The following PLPPR1 variants were observed in gnomAD, a reference collection of about 807,000 sequenced individuals.
PLPPR1 encodes phospholipid phosphatase related 1, also known as phospholipid phosphatase-related protein type 1.
Under a neutral mutation model 33.1 loss-of-function variants are expected in PLPPR1, and 10 were observed. That is an observed-to-expected ratio of 0.30 (90% CI 0.19 to 0.51). The LOEUF is 0.51. Ranked by LOEUF, PLPPR1 falls within the 20% of genes least tolerant of loss-of-function variation. PLPPR1 has a pLI of 0.97. For missense variants in PLPPR1, 304 were observed against 408.1 expected (o/e 0.74, Z 2.20); for synonymous variants, 151 against 151.0 (o/e 1.00, Z 0.00).
chr9:101,195,045 G>T (rs903613231), intron 2 of PLPPR1, among the ~76,000 whole-genome samples: 1 of 152,166 alleles, frequency 6.6e-6, no homozygotes, highest in East Asian at 1.9e-4. Context: ...AGTCCCATGT[G>T]TGTTGGTTTG....
intron 2 of PLPPR1, among the ~76,000 whole-genome samples, chr9:101,190,953 G>A (rs1324071842): frequency 2.0e-5 from 3 of 152,142 alleles, no homozygotes; most frequent in African/African-American, 7.2e-5. Context: ...ATCCTTGAAT[G>A]ACAGACATTC....
chr9:101,133,570 A>C (rs1034922817), intron 1 of PLPPR1, among the ~76,000 whole-genome samples: 3 of 152,226 alleles, frequency 2.0e-5, no homozygotes, highest in Admixed American at 1.3e-4. Context: ...GGCTAGTTTT[A>C]GGCGATCATG....
chr9:101,230,158 A>G (rs1015592962), intron 2 of PLPPR1, among the ~76,000 whole-genome samples: 3 of 152,118 alleles, frequency 2.0e-5, no homozygotes, highest in South Asian at 2.1e-4. Flanking sequence ...ATCATATCTC[A>G]TTTCAAACCA....
intron 1 of PLPPR1, among the ~76,000 whole-genome samples, chr9:101,184,684 AAACTAAC>A (rs1181668836): frequency 6.6e-6 from 1 of 151,940 alleles, no homozygotes; most frequent in African/African-American, 2.4e-5. Flanking sequence ...AGAAGAATCA[AAACTAAC>A]TAATCTCCTA....
chr9:101,092,733 G>A (rs748193883), intron 1 of PLPPR1, among the ~76,000 whole-genome samples: 37 of 152,016 alleles, frequency 2.4e-4, no homozygotes, highest in African/African-American at 7.7e-4. Context: ...ATCTTATTAC[G>A]GACTAATTGT....
chr9:101,036,741 G>C (rs1830016193), intron 1 of PLPPR1, among the ~76,000 whole-genome samples: 1 of 148,500 alleles, frequency 6.7e-6, no homozygotes, highest in Non-Finnish European at 1.5e-5. Flanking sequence ...GAAGAAGAAA[G>C]GAAAGAAGCA....
At chr9:101,077,551 A>G (rs1830554295) in intron 1 of PLPPR1, among the ~76,000 whole-genome samples, 1 of 152,134 alleles carries the variant, frequency 6.6e-6, no homozygotes, top group Admixed American at 6.5e-5. Flanking sequence ...CTTCTCTGAG[A>G]TAGAGATTAG....
At chr9:101,154,699 C>G (rs942567555) in intron 1 of PLPPR1, among the ~76,000 whole-genome samples, 2 of 151,982 alleles carry the variant, frequency 1.3e-5, no homozygotes, top group Non-Finnish European at 2.9e-5. Flanking sequence ...ATAGCAAAGA[C>G]TTGGAACCAA....
At chr9:101,193,366 AG>A (rs1209422089) in intron 2 of PLPPR1, among the ~76,000 whole-genome samples, 5 of 152,150 alleles carry the variant, frequency 3.3e-5, no homozygotes, top group Non-Finnish European at 7.3e-5. Flanking sequence ...GAGATAATAA[AG>A]ACCCAATCTG....
At chr9:101,158,907 G>A (rs1281053347) in intron 1 of PLPPR1, among the ~76,000 whole-genome samples, 1 of 152,184 alleles carries the variant, frequency 6.6e-6, no homozygotes, top group African/African-American at 2.4e-5. Flanking sequence ...AAGTTTGGAG[G>A]ACTGGCTTCA....
At chr9:101,085,037 G>A (rs1156826532) in intron 1 of PLPPR1, among the ~76,000 whole-genome samples, 1 of 152,114 alleles carries the variant, frequency 6.6e-6, no homozygotes, top group Non-Finnish European at 1.5e-5. Flanking sequence ...TAGAATGTTT[G>A]TTATTTTTCA....
At chr9:101,197,973 A>C (rs1826428780) in intron 2 of PLPPR1, among the ~76,000 whole-genome samples, 1 of 152,216 alleles carries the variant, frequency 6.6e-6, no homozygotes, top group South Asian at 2.1e-4. Flanking sequence ...CACCAGTGCC[A>C]AGCCTTAGGG....
chr9:101,139,548 T>G (rs1489360502), intron 1 of PLPPR1, among the ~76,000 whole-genome samples: 1 of 152,192 alleles, frequency 6.6e-6, no homozygotes, highest in African/African-American at 2.4e-5. Flanking sequence ...TAGGTTCCTT[T>G]TCCCCTTCAG....
intron 4 of PLPPR1, among the ~76,000 whole-genome samples, chr9:101,307,803 A>G (rs1264589529): frequency 6.6e-6 from 1 of 152,234 alleles, no homozygotes; most frequent in Non-Finnish European, 1.5e-5. Context: ...AAACTATAGC[A>G]GACTCTTGAC....
intron 1 of PLPPR1, among the ~76,000 whole-genome samples, chr9:101,179,358 T>C (rs1172877948): frequency 6.6e-6 from 1 of 152,152 alleles, no homozygotes; most frequent in Non-Finnish European, 1.5e-5. Context: ...TAGAAGAAGT[T>C]AATCACCAAT....
chr9:101,034,935 A>G (rs1829991824), intron 1 of PLPPR1, among the ~76,000 whole-genome samples: 1 of 152,154 alleles, frequency 6.6e-6, no homozygotes, highest in South Asian at 2.1e-4. Context: ...AAGCCTAGGT[A>G]GAGTAGACAT....
At chr9:101,248,159 G>A (rs980259098) in intron 2 of PLPPR1, among the ~76,000 whole-genome samples, 1 of 152,022 alleles carries the variant, frequency 6.6e-6, no homozygotes, top group Non-Finnish European at 1.5e-5. Flanking sequence ...TGTCAAAAAT[G>A]TGAAGACACC....
intron 2 of PLPPR1, among the ~76,000 whole-genome samples, chr9:101,195,181 G>C (rs1293684574): frequency 6.6e-6 from 1 of 152,118 alleles, no homozygotes; most frequent in Non-Finnish European, 1.5e-5. Flanking sequence ...GGCTTTTATA[G>C]CTTCATATTT....
At chr9:101,052,176 G>A (rs1830230042) in intron 1 of PLPPR1, among the ~76,000 whole-genome samples, 1 of 152,130 alleles carries the variant, frequency 6.6e-6, no homozygotes, top group Non-Finnish European at 1.5e-5. Flanking sequence ...ATGCCATAGT[G>A]TATTGAACAT....
Sources: gnomAD v4.1 joint callset for allele counts (sites outside exome capture counted in the v4.1 genomes callset) on GRCh38, gnomAD v4.1.1 for gene constraint, MANE v1.5 for transcripts, NCBI Gene and HGNC (gene_info 2026-07-23, HGNC 2026-07-21) for gene names.